ESR1: variants seen among roughly 807,000 people sequenced by gnomAD.
ESR1 encodes the protein estrogen receptor.
A neutral mutation model predicts 52.7 loss-of-function variants in ESR1; 12 were observed. That is an observed-to-expected ratio of 0.23 (90% confidence interval 0.15 to 0.37). ESR1 has a LOEUF of 0.37. Ranked by LOEUF, ESR1 falls within the 10% of genes least tolerant of loss-of-function variation. The pLI is 1.00. For synonymous variants in ESR1, 305 were observed against 316.8 expected (o/e 0.96, Z 0.39); for missense variants, 584 against 779.7 (o/e 0.75, Z 2.99).
At chr6:151,962,813 A>G (rs537897390) in intron 4 of ESR1, among the ~76,000 whole-genome samples, 269 of 152,186 alleles carry the variant, frequency 1.8e-3, no homozygotes, top group African/African-American at 6.1e-3. Flanking sequence ...ATTTTTTAAG[A>G]TTTCTTCCAC....
chr6:151,865,739 G>T (rs190812232), intron 2 of ESR1, among the ~76,000 whole-genome samples: 1 of 152,216 alleles, frequency 6.6e-6, no homozygotes, highest in Non-Finnish European at 1.5e-5. Context: ...GGACCTGGGT[G>T]TGGCCTGTGG....
At chr6:151,877,414 T>C (rs1418480460) in intron 2 of ESR1, among the ~76,000 whole-genome samples, 1 of 152,274 alleles carries the variant, frequency 6.6e-6, no homozygotes, top group Non-Finnish European at 1.5e-5. Flanking sequence ...TTTAATTGCA[T>C]ATATCAAATA....
intron 4 of ESR1, among the ~76,000 whole-genome samples, chr6:151,977,341 C>A (rs1225198236): frequency 6.6e-6 from 1 of 151,176 alleles, no homozygotes; most frequent in Non-Finnish European, 1.5e-5. Flanking sequence ...ACAACTTTGG[C>A]TCTGGGTAGG....
chr6:151,786,371 G>C (rs555581540), intron 2 of ESR1, among the ~76,000 whole-genome samples: 11 of 152,188 alleles, frequency 7.2e-5, no homozygotes, highest in African/African-American at 2.7e-4. Flanking sequence ...GCACGCTGCA[G>C]GGCAGGAACT....
At chr6:151,967,140 A>G (rs62429670) in intron 4 of ESR1, among the ~76,000 whole-genome samples, 2 of 152,150 alleles carry the variant, frequency 1.3e-5, no homozygotes. Context: ...GCAATCTCTC[A>G]GGATGGAAAA....
intron 4 of ESR1, among the ~76,000 whole-genome samples, chr6:152,004,529 G>A (rs907026477): frequency 2.0e-5 from 3 of 151,864 alleles, no homozygotes; most frequent in Non-Finnish European, 4.4e-5. Flanking sequence ...AATACTGCAG[G>A]CCTTCTACTG....
At chr6:151,960,776 G>A (rs1427177490) in intron 4 of ESR1, among the ~76,000 whole-genome samples, 1 of 152,144 alleles carries the variant, frequency 6.6e-6, no homozygotes, top group Admixed American at 6.5e-5. Flanking sequence ...GGCAGGGAGA[G>A]CAGCTAGGAC....
intron 2 of ESR1, among the ~76,000 whole-genome samples, chr6:151,797,625 A>G (rs1470865097): frequency 6.6e-6 from 1 of 152,216 alleles, no homozygotes; most frequent in African/African-American, 2.4e-5. Context: ...ACCTTCAGGC[A>G]TTGCTTGTGC....
intron 3 of ESR1, among the ~76,000 whole-genome samples, chr6:151,899,343 C>A (rs1292789960): frequency 1.8e-5 from 2 of 111,178 alleles, no homozygotes; most frequent in African/African-American, 4.1e-5. Context: ...GCTGGCCAGG[C>A]GGGGGGCTGA....
At chr6:152,007,369 A>G (rs1444918831) in intron 4 of ESR1, among the ~76,000 whole-genome samples, 1 of 151,948 alleles carries the variant, frequency 6.6e-6, no homozygotes, top group Non-Finnish European at 1.5e-5. Context: ...GAAGGCAGGG[A>G]TGTCTGTGCT....
intron 2 of ESR1, among the ~76,000 whole-genome samples, chr6:151,756,762 G>A (rs923812227): frequency 6.6e-6 from 1 of 152,150 alleles, no homozygotes; most frequent in Non-Finnish European, 1.5e-5. Flanking sequence ...GGCCGAGGCG[G>A]GCAGATCACT....
chr6:151,678,552 T>G (rs1778337409), intron 1 of ESR1, among the ~76,000 whole-genome samples: 1 of 152,048 alleles, frequency 6.6e-6, no homozygotes, highest in South Asian at 2.1e-4. Flanking sequence ...GCATGGATAT[T>G]TGTAAAGTCT....
chr6:151,710,834 AATG>A (rs1283887882), intron 2 of ESR1, among the ~76,000 whole-genome samples: 1 of 151,926 alleles, frequency 6.6e-6, no homozygotes. Context: ...GTTTGCTGAG[AATG>A]ATGATTGCCA....
intron 2 of ESR1, among the ~76,000 whole-genome samples, chr6:151,767,807 C>T (rs944187425): frequency 4.6e-5 from 7 of 152,212 alleles, no homozygotes; most frequent in African/African-American, 1.7e-4. Flanking sequence ...TTAGTGTTCT[C>T]TGCTGGATCT....
chr6:151,835,760 A>G (rs1327452991), intron 1 of ESR1, among the ~76,000 whole-genome samples: 1 of 151,770 alleles, frequency 6.6e-6, no homozygotes, highest in African/African-American at 2.4e-5. Flanking sequence ...TAGTTGGTGC[A>G]AGGAATTCAA....
intron 3 of ESR1, 78 bp downstream of exon 3, chr6:151,880,849 A>T: frequency 1.3e-6 from 1 of 765,722 alleles, no homozygotes; most frequent in Non-Finnish European, 2.3e-6. Flanking sequence ...TTGGAATAAC[A>T]CCATGGGAAT....
At chr6:152,089,527 C>G (rs549245271) in intron 6 of ESR1, among the ~76,000 whole-genome samples, 2 of 152,304 alleles carry the variant, frequency 1.3e-5, no homozygotes, top group South Asian at 4.1e-4. Flanking sequence ...TCTCTATAAC[C>G]AGTTCATACA....
chr6:151,667,328 T>C lies in ESR1; in HGVS notation n.73+10565T>C, dbSNP rs145559738. 6.1e-3 allele frequency among the ~76,000 whole-genome samples: 928 copies of C among 152,346 alleles called. 2 individuals carry two copies. Among genetic ancestry groups the C allele is most frequent in the Non-Finnish European group, 9.1e-3 (617 of 68,038 alleles). ...ATGGATGCAGGACTATAGGGTCTTATCTTTTTCATCACAGTAGCCCTCGAA... is the reference window on the plus strand; with the variant it reads ...ATGGATGCAGGACTATAGGGTCTTACCTTTTTCATCACAGTAGCCCTCGAA... On this transcript the variant is annotated intron_variant and non_coding_transcript_variant, in intron 1 of 2. Transcript: ENST00000473497.
chr6:151,821,817 G>A (rs1780599208), intron 1 of ESR1, among the ~76,000 whole-genome samples: 1 of 152,070 alleles, frequency 6.6e-6, no homozygotes, highest in South Asian at 2.1e-4. Flanking sequence ...TAATGACTAA[G>A]CCCGATGTTG....
Sources: gnomAD v4.1 joint callset for allele counts (sites outside exome capture counted in the v4.1 genomes callset) on GRCh38, gnomAD v4.1.1 for gene constraint, MANE v1.5 for transcripts, NCBI Gene and HGNC (gene_info 2026-07-23, HGNC 2026-07-21) for gene names.